CNTN5: variants seen among roughly 807,000 people sequenced by gnomAD.
The protein encoded by CNTN5 is contactin-5.
CNTN5 carries 77 observed loss-of-function variants against 129.1 expected under a neutral mutation model. That is an observed-to-expected ratio of 0.60 (90% CI 0.50 to 0.72). CNTN5 has a LOEUF of 0.72. CNTN5 is among the 30% of genes least tolerant of loss of function. CNTN5 has a pLI of 0.00. For missense variants in CNTN5, 1,478 were observed against 1,328.8 expected (o/e 1.11, Z -1.75); for synonymous variants, 509 against 465.6 (o/e 1.09, Z -1.20).
At chr11:99,599,040 C>T (rs1199517105) in intron 3 of CNTN5, among the ~76,000 whole-genome samples, 2 of 151,984 alleles carry the variant, frequency 1.3e-5, no homozygotes, top group African/African-American at 4.8e-5. Flanking sequence ...AATTATGAGT[C>T]ATAGTTTCAC....
intron 3 of CNTN5, among the ~76,000 whole-genome samples, chr11:99,784,586 C>A (rs1485396392): frequency 6.6e-6 from 1 of 151,994 alleles, no homozygotes; most frequent in Non-Finnish European, 1.5e-5. Context: ...TGGGTATATA[C>A]CCAGTCATAG....
At chr11:100,043,571 C>A (rs1942487929) in intron 9 of CNTN5, among the ~76,000 whole-genome samples, 1 of 152,166 alleles carries the variant, frequency 6.6e-6, no homozygotes, top group Non-Finnish European at 1.5e-5. Flanking sequence ...TTATGCCCAT[C>A]CTGCATGCTT....
chr11:100,209,037 C>T (rs112851486), intron 15 of CNTN5, among the ~76,000 whole-genome samples: 6 of 152,268 alleles, frequency 3.9e-5, no homozygotes, highest in South Asian at 4.1e-4. Flanking sequence ...AGTGCACGCA[C>T]GCAATGCAAT....
intron 3 of CNTN5, among the ~76,000 whole-genome samples, chr11:99,565,532 C>A (rs940106377): frequency 6.6e-6 from 1 of 152,138 alleles, no homozygotes; most frequent in Non-Finnish European, 1.5e-5. Context: ...CCATCTGCCC[C>A]AGAGCTCAGA....
At chr11:100,078,130 C>T (rs1407206337) in intron 13 of CNTN5, among the ~76,000 whole-genome samples, 3 of 152,002 alleles carry the variant, frequency 2.0e-5, no homozygotes, top group Admixed American at 2.0e-4. Flanking sequence ...AACCATTTGG[C>T]TCATTTTTTT....
At chr11:100,314,371 A>G (rs1381346245) in intron 21 of CNTN5, among the ~76,000 whole-genome samples, 5 of 152,162 alleles carry the variant, frequency 3.3e-5, no homozygotes, top group African/African-American at 1.2e-4. Flanking sequence ...AGACTTTAAC[A>G]TGGTGTTTCC....
At chr11:99,468,834 A>G (rs921550157) in intron 2 of CNTN5, among the ~76,000 whole-genome samples, 9 of 151,636 alleles carry the variant, frequency 5.9e-5, no homozygotes, top group African/African-American at 2.2e-4. Flanking sequence ...TCCCAGGTTC[A>G]AGCGATTCTC....
At chr11:100,263,884 A>G (rs1223018918) in intron 17 of CNTN5, among the ~76,000 whole-genome samples, 1 of 151,988 alleles carries the variant, frequency 6.6e-6, no homozygotes, top group African/African-American at 2.4e-5. Flanking sequence ...TTACTTTTGG[A>G]GAGGTTTTCC....
intron 1 of CNTN5, among the ~76,000 whole-genome samples, chr11:99,272,188 A>G (rs1256165429): frequency 4.6e-5 from 7 of 151,840 alleles, no homozygotes; most frequent in Admixed American, 4.6e-4. Context: ...GCTGCGTCAC[A>G]TTTTGTGCTC....
chr11:99,114,763 T>G (rs1306529191), intron 1 of CNTN5, among the ~76,000 whole-genome samples: 1 of 152,190 alleles, frequency 6.6e-6, no homozygotes, highest in Admixed American at 6.6e-5. Flanking sequence ...ATCTTCTGTG[T>G]GTATATATGT....
At chr11:100,264,489 T>C (rs1181954456) in intron 17 of CNTN5, among the ~76,000 whole-genome samples, 2 of 152,178 alleles carry the variant, frequency 1.3e-5, no homozygotes, top group African/African-American at 4.8e-5. Context: ...GCATTTGGTT[T>C]TCTGTTCCTG....
At position 100,073,528 on chromosome 11, in the gene CNTN5, G is replaced by T. The variant is rs561779329; in HGVS notation, c.1430-616G>T. Among the ~76,000 whole-genome samples the T allele has an allele frequency of 1.0e-3, 151 of 151,638 alleles. 1 individual carries two copies. The highest frequency in any genetic ancestry group is 1.3e-3 in the Non-Finnish European group (87 of 67,916). On this transcript the variant is annotated intron_variant, in intron 12 of 24. Coordinates refer to ENST00000524871, the MANE Select transcript of CNTN5 (RefSeq NM_014361.4). ...CTGTGGACTTGTAGACATCTTTCAG[G>T]TTCTCTTTTAGATTCAAAAGTGTTT...
chr11:99,096,503 A>T (rs1053501829), intron 1 of CNTN5, among the ~76,000 whole-genome samples: 1 of 151,820 alleles, frequency 6.6e-6, no homozygotes, highest in Non-Finnish European at 1.5e-5. Flanking sequence ...AGAGTTGTCT[A>T]TGATTGCATA....
intron 3 of CNTN5, among the ~76,000 whole-genome samples, chr11:99,655,203 G>A (rs150010778): frequency 2.2e-4 from 34 of 152,128 alleles, no homozygotes; most frequent in African/African-American, 7.5e-4. Context: ...TGTCTGAAGG[G>A]ACAATGAGTA....
chr11:100,150,405 ATTT>A (rs143393736), intron 13 of CNTN5, among the ~76,000 whole-genome samples: 29,736 of 151,728 alleles, frequency 0.2, 3,816 homozygotes, highest in East Asian at 0.52. Flanking sequence ...AAGATTTCAA[ATTT>A]TTTTCTTTAA....
chr11:100,084,951 A>G (rs191452993), intron 13 of CNTN5, among the ~76,000 whole-genome samples: 2 of 152,254 alleles, frequency 1.3e-5, no homozygotes, highest in East Asian at 1.9e-4. Context: ...GACAAAATGC[A>G]TACAAATTGA....
chr11:100,215,966 G>A (rs1455170759), intron 15 of CNTN5, among the ~76,000 whole-genome samples: 2 of 152,110 alleles, frequency 1.3e-5, no homozygotes, highest in Non-Finnish European at 2.9e-5. Context: ...AGAGATCGAA[G>A]GTGAAAAAGA....
At chr11:99,927,296 A>G (rs2136059760) in intron 7 of CNTN5, among the ~76,000 whole-genome samples, 1 of 152,298 alleles carries the variant, frequency 6.6e-6, no homozygotes, top group South Asian at 2.1e-4. Flanking sequence ...CAAGTTGCCT[A>G]AAATCCCATG....
intron 3 of CNTN5, among the ~76,000 whole-genome samples, chr11:99,731,911 G>A (rs117723596): frequency 0.038 from 5,850 of 152,228 alleles, 223 homozygotes; most frequent in East Asian, 0.2. Flanking sequence ...TCTCTTGAGG[G>A]GAAGGGACAT....
Sources: allele counts gnomAD v4.1 joint callset (sites outside exome capture counted in the v4.1 genomes callset), GRCh38; gene constraint gnomAD v4.1.1; transcripts MANE v1.5; gene names NCBI Gene and HGNC (gene_info 2026-07-23, HGNC 2026-07-21).